Variants in ZNF577 observed in about 807,000 individuals in gnomAD.
ZNF577 encodes the protein zinc finger protein 577.
In ZNF577, 14 loss-of-function variants were observed where a neutral mutation model predicts 13.9. That is an observed-to-expected ratio of 1.00 (90% CI 0.66 to 1.57). The LOEUF (loss-of-function observed/expected upper bound fraction) is 1.57. Among genes scored for constraint, ZNF577 ranks in the 40% most tolerant of loss-of-function variants. The pLI, the probability that ZNF577 is intolerant of heterozygous loss-of-function variation, is 0.00. For synonymous variants in ZNF577, 203 were observed against 202.9 expected, an observed-to-expected ratio of 1.00 and a Z score of 0.00; for missense variants, 555 against 579.2, an observed-to-expected ratio of 0.96 and a Z score of 0.43.
At chr19:51,849,133 G>T (rs780147847) in intron 5 of ZNF577, among the ~76,000 whole-genome samples, 1 of 152,140 alleles carries the variant, frequency 6.6e-6, no homozygotes, top group Non-Finnish European at 1.5e-5. Flanking sequence ...ACAGTTTGGG[G>T]AAGGAAACTA....
At chr19:51,808,981 T>G (rs1185018095) in intron 10 of ZNF577, among the ~76,000 whole-genome samples, 2 of 152,212 alleles carry the variant, frequency 1.3e-5, no homozygotes, top group African/African-American at 2.4e-5. Flanking sequence ...AGGAGAAATA[T>G]CAATGACCCT....
intron 5 of ZNF577, among the ~76,000 whole-genome samples, chr19:51,850,981 A>G (rs2084376230): frequency 1.3e-5 from 2 of 152,220 alleles, no homozygotes; most frequent in Non-Finnish European, 2.9e-5. Flanking sequence ...TTTGTTTAGG[A>G]TAAGCATATA....
rs1461285286 is a variant in ZNF577 at position 51,883,492 on chromosome 19, G to C, written c.-218-2615C>G. Among the ~76,000 whole-genome samples the C allele has an allele frequency of 2.0e-5, 3 of 151,960 alleles. No individual in the cohort carries two copies. The East Asian group carries it at 5.8e-4, about 29-fold the overall frequency. On this transcript the variant is annotated intron_variant, in intron 1 of 5. Transcript: ENST00000638348. ...CCAGTTTTTCCTTTTAATTAAGTGA[G>C]TAGTTCAACTTAGAGGTTTGATTAG...
At chr19:51,820,074 C>T (rs746100123) in intron 9 of ZNF577, among the ~76,000 whole-genome samples, 64 of 152,276 alleles carry the variant, frequency 4.2e-4, no homozygotes, top group Non-Finnish European at 7.2e-4. Context: ...CTAATTGTTA[C>T]AGTTTTCTCA....
Position 51,824,485 on chromosome 19 carries a change from T to G in ZNF577, c.*600-12811A>C, listed in dbSNP as rs756395393. On this transcript the variant is annotated intron_variant and NMD_transcript_variant, in intron 9 of 10. Coordinates refer to the ZNF577 transcript ENST00000638827. The surrounding 1 kb of genome is among the most constrained non-coding windows in gnomAD (Gnocchi z 4.7). ...CGTCCCTTACGTGTCTTCGCTGCTG[T>G]GGTGGCTTCTTTCTTCATCTGTTGG... The G allele has an allele frequency of 6.2e-7, 1 of 1,614,108 alleles. No homozygotes were observed. Among genetic ancestry groups the G allele is most frequent in the Non-Finnish European group, 8.5e-7 (1 of 1,179,994 alleles).
At chr19:51,882,210 T>C (rs2084872159) in intron 1 of ZNF577, among the ~76,000 whole-genome samples, 1 of 151,986 alleles carries the variant, frequency 6.6e-6, no homozygotes, top group East Asian at 1.9e-4. Flanking sequence ...ATCTCCAGGG[T>C]TGAAAAATCC....
At chr19:51,849,677 C>G (rs2084370467) in intron 5 of ZNF577, among the ~76,000 whole-genome samples, 1 of 152,200 alleles carries the variant, frequency 6.6e-6, no homozygotes, top group Non-Finnish European at 1.5e-5. Flanking sequence ...CTGGAACCCT[C>G]ATACACTGTT....
At chr19:51,879,816 C>G (rs2084832421) in intron 3 of ZNF577, among the ~76,000 whole-genome samples, 1 of 152,036 alleles carries the variant, frequency 6.6e-6, no homozygotes, top group African/African-American at 2.4e-5. Flanking sequence ...CTCTTGCGTG[C>G]AAATGTAGCC....
chr19:51,823,720 C>T (rs375494728), intron 9 of ZNF577: 6 of 1,523,224 alleles, frequency 3.9e-6, no homozygotes, highest in Non-Finnish European at 5.3e-6. Context: ...GAGAAATGGC[C>T]ATTGCTGAAA....
chr19:51,857,426 GAA>G (rs374662736), intron 5 of ZNF577, among the ~76,000 whole-genome samples: 13 of 96,818 alleles, frequency 1.3e-4, no homozygotes, highest in South Asian at 8.1e-4. Context: ...AAGAAAGAAA[GAA>G]AAGAAAAAAC....
intron 3 of ZNF577, among the ~76,000 whole-genome samples, chr19:51,879,512 T>C (rs1171482866): frequency 1.4e-5 from 2 of 145,774 alleles, no homozygotes; most frequent in Non-Finnish European, 3.0e-5. Context: ...GAGGTTGCAG[T>C]GAGCCAAGAT....
rs907180735 is a variant in ZNF577, at chr19:51,878,521, A to G, written c.61-6T>C. On this transcript the variant is annotated splice_polypyrimidine_tract_variant and splice_region_variant and intron_variant, in intron 3 of 5. Coordinates refer to ENST00000638348, the MANE Select transcript of ZNF577 (RefSeq NM_001370449.1). ...TCTTCGAATGACAATGACCCCTATA[A>G]TAACAATTCCAATGCAATCTGAGGT... The G allele has an allele frequency of 3.7e-6, 6 of 1,613,728 alleles. No homozygotes were observed. The highest frequency in any genetic ancestry group is 2.7e-5 in the African/African-American group (2 of 74,906).
intron 1 of ZNF577, among the ~76,000 whole-genome samples, chr19:51,882,528 T>C: frequency 6.6e-6 from 1 of 150,696 alleles, no homozygotes; most frequent in African/African-American, 2.4e-5. Flanking sequence ...AGGCCTGTAA[T>C]TGCAGCAATT....
intron 5 of ZNF577, among the ~76,000 whole-genome samples, chr19:51,876,658 T>C (rs544087239): frequency 2.6e-5 from 4 of 152,088 alleles, no homozygotes; most frequent in African/African-American, 7.2e-5. Flanking sequence ...CCAGGCGCAG[T>C]GGCTCATGCC....
intron 9 of ZNF577, among the ~76,000 whole-genome samples, chr19:51,819,922 T>C (rs1344507758): frequency 6.6e-6 from 1 of 152,036 alleles, no homozygotes; most frequent in Non-Finnish European, 1.5e-5. Flanking sequence ...GAAGGACAAA[T>C]ACCATTTCTT....
intron 10 of ZNF577, among the ~76,000 whole-genome samples, chr19:51,810,604 A>G (rs766875746): frequency 2.0e-5 from 3 of 152,168 alleles, no homozygotes; most frequent in African/African-American, 7.2e-5. Flanking sequence ...GTCCAGCAAC[A>G]TGGTTCTGTT....
chr19:51,830,680 A>T (rs1198080198), intron 9 of ZNF577, among the ~76,000 whole-genome samples: 1 of 152,230 alleles, frequency 6.6e-6, no homozygotes, highest in African/African-American at 2.4e-5. Context: ...TCTTGGTGAC[A>T]TCACACTTGT....
intron 9 of ZNF577, among the ~76,000 whole-genome samples, chr19:51,823,421 C>T (rs960170230): frequency 6.6e-6 from 1 of 152,124 alleles, no homozygotes; most frequent in Non-Finnish European, 1.5e-5. Context: ...GCCTTCCTCA[C>T]GAAGCTGAAG....
chr19:51,855,399 G>GTA (rs1555745584), intron 5 of ZNF577, among the ~76,000 whole-genome samples: 2 of 142,460 alleles, frequency 1.4e-5, no homozygotes, highest in African/African-American at 5.5e-5. Flanking sequence ...GTGTGTGTGT[G>GTA]TGTGTGTGTC....
Sources: gnomAD v4.1 joint callset for allele counts (sites outside exome capture counted in the v4.1 genomes callset) on GRCh38, gnomAD v4.1.1 for gene constraint, Gnocchi (gnomAD v3.1) non-coding constraint, MANE v1.5 for transcripts, NCBI Gene and HGNC (gene_info 2026-07-23, HGNC 2026-07-21) for gene names.